Variants in CLSTN2 observed in about 807,000 individuals in gnomAD.
The protein encoded by CLSTN2 is calsyntenin 2.
Under a neutral mutation model 101.2 loss-of-function variants are expected in CLSTN2, and 48 were observed. The ratio of observed to expected loss-of-function variants is 0.47; its 90% CI spans 0.38 to 0.60. The LOEUF is 0.60. CLSTN2 is among the 20% of genes least tolerant of loss of function. The probability of loss-of-function intolerance (pLI) is 0.00; values close to 1 mark genes in which losing one functional copy is unlikely to be tolerated. For synonymous variants in CLSTN2, 481 were observed against 463.6 expected, an observed-to-expected ratio of 1.04 and a Z score of -0.48; for missense variants, 1,160 against 1,238.2, an observed-to-expected ratio of 0.94 and a Z score of 0.95.
At chr3:140,320,503 G>C (rs530300565) in intron 2 of CLSTN2, among the ~76,000 whole-genome samples, 1 of 152,020 alleles carries the variant, frequency 6.6e-6, no homozygotes, top group Admixed American at 6.6e-5. Flanking sequence ...TGTTGGCACT[G>C]AGCAGACACC....
intron 1 of CLSTN2, among the ~76,000 whole-genome samples, chr3:140,088,419 T>A (rs563084827): frequency 1.2e-4 from 18 of 152,272 alleles, no homozygotes; most frequent in African/African-American, 3.6e-4. Flanking sequence ...CCATAACTTG[T>A]TGAGGGAGGA....
intron 2 of CLSTN2, among the ~76,000 whole-genome samples, chr3:140,203,315 T>C (rs1181480105): frequency 6.6e-6 from 1 of 152,046 alleles, no homozygotes; most frequent in East Asian, 1.9e-4. Context: ...AAAAATCTGA[T>C]TGAACTTGCT....
intron 1 of CLSTN2, among the ~76,000 whole-genome samples, chr3:140,159,005 C>G (rs528127013): frequency 9.2e-5 from 14 of 152,228 alleles, no homozygotes; most frequent in African/African-American, 3.4e-4. Context: ...GGACCCCTAC[C>G]TTTTACCATG....
At chr3:140,307,825 C>T (rs987745622) in intron 2 of CLSTN2, among the ~76,000 whole-genome samples, 2 of 152,168 alleles carry the variant, frequency 1.3e-5, no homozygotes, top group African/African-American at 4.8e-5. Context: ...CTCTTTAAGG[C>T]TTCTGGTATA....
Position 140,546,688 on chromosome 3 carries a change from C to T in CLSTN2, c.1674+7C>T. The T allele has an allele frequency of 2.5e-6, 4 of 1,604,944 alleles. No individual in the cohort carries two copies. The highest frequency in any genetic ancestry group is 3.4e-6 in the Non-Finnish European group (4 of 1,175,994). ...CCTTGGCCAAGGAATAAAGGTAAGG[C>T]AGGAGCTGGCATCACTCCCAATAAG... On this transcript the variant is annotated splice_region_variant and intron_variant, in intron 10 of 16. Transcript: ENST00000458420.
intron 1 of CLSTN2, among the ~76,000 whole-genome samples, chr3:140,171,835 A>G: frequency 9.7e-6 from 1 of 102,858 alleles, no homozygotes; most frequent in East Asian, 2.2e-4. Context: ...TATAATAACA[A>G]TATATAATAT....
At chr3:140,151,182 A>G (rs1315216166) in intron 1 of CLSTN2, among the ~76,000 whole-genome samples, 1 of 152,146 alleles carries the variant, frequency 6.6e-6, no homozygotes, top group Non-Finnish European at 1.5e-5. Context: ...TAGTTTGCAA[A>G]TATAAACAGC....
chr3:140,367,511 C>CAA (rs34398474), intron 2 of CLSTN2, among the ~76,000 whole-genome samples: 80 of 96,662 alleles, frequency 8.3e-4, no homozygotes, highest in African/African-American at 1.4e-3. Flanking sequence ...CACTTTGTCT[C>CAA]AAAAAAAAAA....
intron 1 of CLSTN2, among the ~76,000 whole-genome samples, chr3:140,000,658 G>A (rs775909168): frequency 3.3e-5 from 5 of 152,202 alleles, no homozygotes; most frequent in South Asian, 2.1e-4. Flanking sequence ...GATAATGGCC[G>A]TGGGAAGCCT....
chr3:140,122,769 A>G (rs6791454), intron 1 of CLSTN2, among the ~76,000 whole-genome samples: 111,220 of 152,168 alleles, frequency 0.73, 40,797 homozygotes, highest in East Asian at 0.81. Flanking sequence ...TTGATCTGTA[A>G]AGGGTCAGAT....
intron 8 of CLSTN2, among the ~76,000 whole-genome samples, chr3:140,485,855 G>C (rs1471843527): frequency 2.0e-5 from 3 of 152,146 alleles, no homozygotes; most frequent in African/African-American, 7.2e-5. Flanking sequence ...GGTGCCGTCT[G>C]TCACCCCTTT....
chr3:140,422,525 G>A (rs1576558959), intron 5 of CLSTN2, among the ~76,000 whole-genome samples: 1 of 152,132 alleles, frequency 6.6e-6, no homozygotes, highest in African/African-American at 2.4e-5. Context: ...ATCGGAAGGG[G>A]TAATTTAACC....
chr3:140,542,782 C>T (rs1365654696), intron 9 of CLSTN2, among the ~76,000 whole-genome samples: 3 of 152,158 alleles, frequency 2.0e-5, no homozygotes, highest in Non-Finnish European at 2.9e-5. Context: ...GCATTCAAGA[C>T]AGTCACAAAG....
At chr3:140,019,404 G>A (rs1199376443) in intron 1 of CLSTN2, among the ~76,000 whole-genome samples, 1 of 152,168 alleles carries the variant, frequency 6.6e-6, no homozygotes, top group Non-Finnish European at 1.5e-5. Context: ...CCAGTGGCCT[G>A]TGAACTTCAA....
At chr3:140,098,958 G>A (rs1008084874) in intron 1 of CLSTN2, among the ~76,000 whole-genome samples, 1 of 152,138 alleles carries the variant, frequency 6.6e-6, no homozygotes, top group African/African-American at 2.4e-5. Context: ...CATACTTAAA[G>A]GTGAGATCAC....
chr3:140,232,022 G>GT, intron 2 of CLSTN2, among the ~76,000 whole-genome samples: 1 of 152,208 alleles, frequency 6.6e-6, no homozygotes. Context: ...CTTTGGGTCA[G>GT]TGTGAGGATT....
intron 1 of CLSTN2, among the ~76,000 whole-genome samples, chr3:140,154,492 T>A (rs1221398422): frequency 6.6e-6 from 1 of 152,210 alleles, no homozygotes; most frequent in South Asian, 2.1e-4. Context: ...AAGGACTACC[T>A]GAGACCTGGT....
intron 2 of CLSTN2, among the ~76,000 whole-genome samples, chr3:140,332,479 A>G (rs1184334265): frequency 2.0e-5 from 3 of 152,196 alleles, no homozygotes; most frequent in African/African-American, 7.2e-5. Flanking sequence ...AGAAATTTCA[A>G]TAATTTTTTC....
chr3:139,945,559 G>A (rs2107808209), intron 1 of CLSTN2, among the ~76,000 whole-genome samples: 1 of 152,208 alleles, frequency 6.6e-6, no homozygotes, highest in African/African-American at 2.4e-5. Context: ...TCTTTGATGT[G>A]TAGCCTGCAT....
Sources: allele counts gnomAD v4.1 joint callset (sites outside exome capture counted in the v4.1 genomes callset), GRCh38; gene constraint gnomAD v4.1.1; transcripts MANE v1.5; gene names NCBI Gene and HGNC (gene_info 2026-07-23, HGNC 2026-07-21).